CYFIP1: variants seen among roughly 807,000 people sequenced by gnomAD.
CYFIP1 encodes cytoplasmic FMR1 interacting protein 1.
A neutral mutation model predicts 163.5 loss-of-function variants in CYFIP1; 58 were observed. The ratio of observed to expected loss-of-function variants is 0.35; its 90% CI spans 0.29 to 0.44. CYFIP1 has a LOEUF of 0.44. Among genes scored for constraint, CYFIP1 ranks in the 20% least tolerant of loss-of-function variants. The pLI is 1.00. For missense variants in CYFIP1, 1,338 were observed against 1,653.8 expected (o/e 0.81, Z 3.31); for synonymous variants, 663 against 660.7 (o/e 1.00, Z -0.05).
intron 1 of CYFIP1, among the ~76,000 whole-genome samples, chr15:22,962,206 AATTCTT>A (rs898625202): frequency 1.3e-5 from 2 of 152,120 alleles, no homozygotes; most frequent in African/African-American, 4.8e-5. Flanking sequence ...GATACATAAT[AATTCTT>A]GGACTCTGAC....
At chr15:22,980,014 C>T (rs1308930823) in intron 1 of CYFIP1, among the ~76,000 whole-genome samples, 1 of 151,930 alleles carries the variant, frequency 6.6e-6, no homozygotes, top group African/African-American at 2.4e-5. Flanking sequence ...GGGCCGAGGC[C>T]GAAAGGCCGG....
intron 1 of CYFIP1, among the ~76,000 whole-genome samples, chr15:22,977,147 C>T (rs1248258607): frequency 3.3e-5 from 5 of 151,182 alleles, no homozygotes; most frequent in African/African-American, 7.3e-5. Context: ...TGCGGTGGGC[C>T]GAGATCGCAC....
rs1265748057 is a variant in CYFIP1, at chr15:22,868,972, C to CTT, written c.*1054_*1055dup. 1.3e-5 allele frequency: 2 copies of CTT among 152,104 alleles called. No individual in the cohort carries two copies. The highest frequency in any genetic ancestry group is 1.9e-4 in the East Asian group (1 of 5,192). 9.4% of individuals were successfully genotyped at this position (152,104 alleles called of 1,614,324 possible). On this transcript the variant is annotated 3_prime_UTR_variant, in exon 31 of 31. Coordinates refer to ENST00000617928, the MANE Select transcript of CYFIP1 (RefSeq NM_014608.6). ...TTTTCAGAACCTCATTGCCTTAGTA[C>CTT]TTTTTAAAATATGGCTTTAGTTTCT...
intron 23 of CYFIP1, among the ~76,000 whole-genome samples, chr15:22,891,829 G>A (rs1217056066): frequency 1.3e-5 from 2 of 152,242 alleles, no homozygotes; most frequent in Admixed American, 1.3e-4. Flanking sequence ...AGAAAGGAAT[G>A]AGTGGAAAAC....
chr15:22,964,394 CA>C (rs2062826892), intron 1 of CYFIP1, among the ~76,000 whole-genome samples: 4 of 149,166 alleles, frequency 2.7e-5, no homozygotes, highest in South Asian at 2.2e-4. Context: ...CACACACACA[CA>C]CACACACACA....
intron 23 of CYFIP1, among the ~76,000 whole-genome samples, chr15:22,888,569 A>C (rs1490501698): frequency 6.6e-6 from 1 of 150,768 alleles, no homozygotes; most frequent in African/African-American, 2.4e-5. Context: ...CCATCTCTAC[A>C]AAAAACACAA....
At chr15:22,962,690 C>T (rs1013004299) in intron 1 of CYFIP1, among the ~76,000 whole-genome samples, 1 of 152,098 alleles carries the variant, frequency 6.6e-6, no homozygotes, top group African/African-American at 2.4e-5. Context: ...AGACGTGAGC[C>T]ACCACGCCCG....
rs572607196 is a variant in CYFIP1, at chr15:22,927,581, GGGGAGTCAA to G, written c.1233+316_1233+324del. Among the ~76,000 whole-genome samples, 128 of 152,014 alleles carry G rather than the reference GGGGAGTCAA, an allele frequency of 8.4e-4. 1 individual carries two copies. In the Middle Eastern group the frequency reaches 0.024, roughly 28 times the overall value. Reference sequence around the variant, plus strand: ...CTGAGGCAGAAGGATCGCTTGGGGTGGGGAGTCAAGGCTGTAGGGACTTATGTTTGCACC... The same window carrying G: ...CTGAGGCAGAAGGATCGCTTGGGGTGGGCTGTAGGGACTTATGTTTGCACC... On this transcript the variant is annotated intron_variant, in intron 12 of 30. Coordinates refer to ENST00000617928, the MANE Select transcript of CYFIP1 (RefSeq NM_014608.6).
chr15:22,917,667 T>A lies in CYFIP1; in HGVS notation c.1674+121A>T. 1 of 1,243,224 alleles carries A rather than the reference T, an allele frequency of 8.0e-7. No homozygotes were observed. The highest frequency in any genetic ancestry group is 1.1e-6 in the Non-Finnish European group (1 of 928,116). 77.0% of individuals were successfully genotyped at this position (1,243,224 alleles called of 1,614,324 possible). On this transcript the variant is annotated intron_variant, in intron 15 of 30. Coordinates refer to ENST00000617928, the MANE Select transcript of CYFIP1 (RefSeq NM_014608.6). The surrounding 1 kb of genome is among the most constrained non-coding windows in gnomAD (Gnocchi z 4.2). ...GCAGCAGAAACCACAGGCGCCACTT[T>A]CTCTGCCTGAGCAGGCAGCGAGGAC...
chr15:22,938,923 TAAAA>T (rs56169420), intron 8 of CYFIP1, among the ~76,000 whole-genome samples: 4 of 74,380 alleles, frequency 5.4e-5, no homozygotes, highest in Admixed American at 1.6e-4. Flanking sequence ...AAAAGCAGCT[TAAAA>T]AAAAAAAAAA....
chr15:22,933,606 G>A (rs1056716920), intron 10 of CYFIP1, among the ~76,000 whole-genome samples, 196 bp downstream of exon 10: 5 of 152,112 alleles, frequency 3.3e-5, no homozygotes, highest in Non-Finnish European at 5.9e-5. Flanking sequence ...GAGCCACCGC[G>A]CCCGGCCTCA....
At chr15:22,941,731 C>T (rs964849181) in intron 6 of CYFIP1, among the ~76,000 whole-genome samples, 2 of 152,102 alleles carry the variant, frequency 1.3e-5, no homozygotes, top group African/African-American at 4.8e-5. Flanking sequence ...CCTCCTTCCC[C>T]CAGCTTTGCA....
rs756527761 is a variant in CYFIP1 at position 22,868,509 on chromosome 15, A to AGAT, written c.*1516_*1518dup. On this transcript the variant is annotated 3_prime_UTR_variant, in exon 31 of 31. Coordinates refer to ENST00000617928, the MANE Select transcript of CYFIP1 (RefSeq NM_014608.6). ...TTTTCATCCTATTCTGTAGTTTCTA[A>AGAT]GATAAGCACAGCTACCACCTCTAAA... 1.8e-4 allele frequency: 28 copies of AGAT among 152,270 alleles called. No homozygotes were observed. The highest frequency in any genetic ancestry group is 3.4e-3 in the Middle Eastern group (1 of 294). 9.4% of individuals were successfully genotyped at this position (152,270 alleles called of 1,614,324 possible). A position where few individuals can be genotyped will look rare whatever the true frequency, so the allele number is the denominator to read the frequency against.
At chr15:22,880,605 A>G (rs915817151) in intron 25 of CYFIP1, among the ~76,000 whole-genome samples, 1 of 152,200 alleles carries the variant, frequency 6.6e-6, no homozygotes, top group African/African-American at 2.4e-5. Context: ...TTCCCAGCCA[A>G]TCTACAGCTT....
At chr15:22,882,185 C>T (rs1446238068) in intron 24 of CYFIP1, among the ~76,000 whole-genome samples, 1 of 152,210 alleles carries the variant, frequency 6.6e-6, no homozygotes, top group African/African-American at 2.4e-5. Flanking sequence ...CCCGGGGTGC[C>T]ACAATGAGGG....
intron 22 of CYFIP1, among the ~76,000 whole-genome samples, chr15:22,895,639 A>T (rs1387312272): frequency 2.6e-5 from 4 of 152,014 alleles, no homozygotes; most frequent in Admixed American, 6.6e-5. Context: ...TAGCAAGATG[A>T]CTCAACATGG....
chr15:22,956,641 C>T (rs901274270), intron 1 of CYFIP1, among the ~76,000 whole-genome samples: 31 of 151,260 alleles, frequency 2.0e-4, no homozygotes, highest in African/African-American at 5.4e-4. Context: ...AGGGGAGGCT[C>T]GGGGCAGGTG....
intron 22 of CYFIP1, among the ~76,000 whole-genome samples, chr15:22,898,390 T>C (rs912380686): frequency 1.3e-5 from 2 of 152,120 alleles, no homozygotes; most frequent in African/African-American, 4.8e-5. Flanking sequence ...CCTGAGTAGC[T>C]GGGACTACAG....
intron 26 of CYFIP1, among the ~76,000 whole-genome samples, chr15:22,876,903 A>G (rs1173447441): frequency 1.3e-5 from 2 of 152,116 alleles, no homozygotes; most frequent in Non-Finnish European, 2.9e-5. Flanking sequence ...GCAGCTGGAC[A>G]GAAGAGAAAC....
Sources: gnomAD v4.1 joint callset for allele counts (sites outside exome capture counted in the v4.1 genomes callset) on GRCh38, gnomAD v4.1.1 for gene constraint, Gnocchi (gnomAD v3.1) non-coding constraint, MANE v1.5 for transcripts, NCBI Gene and HGNC (gene_info 2026-07-23, HGNC 2026-07-21) for gene names.